Variants in CDH20 observed in about 807,000 individuals in gnomAD.
CDH20 encodes cadherin 20.
CDH20 carries 29 observed loss-of-function variants against 74.2 expected under a neutral mutation model. The ratio of observed to expected loss-of-function variants is 0.39; its 90% CI spans 0.29 to 0.53. CDH20 has a LOEUF of 0.53. Among genes scored for constraint, CDH20 ranks in the 20% least tolerant of loss-of-function variants. The pLI, the probability that CDH20 is intolerant of heterozygous loss-of-function variation, is 0.69. For synonymous variants in CDH20, 469 were observed against 405.4 expected, an observed-to-expected ratio of 1.16 and a Z score of -1.88; for missense variants, 988 against 1,048.3, an observed-to-expected ratio of 0.94 and a Z score of 0.79.
intron 1 of CDH20, among the ~76,000 whole-genome samples, chr18:61,385,189 T>A (rs1228674178): frequency 2.0e-5 from 3 of 152,206 alleles, no homozygotes; most frequent in African/African-American, 7.2e-5. Flanking sequence ...AAACTATATT[T>A]ACCTTAAGCT....
chr18:61,441,736 AT>A (rs1431711313), intron 1 of CDH20, among the ~76,000 whole-genome samples: 1 of 152,168 alleles, frequency 6.6e-6, no homozygotes, highest in East Asian at 1.9e-4. Context: ...CCTACAGAAT[AT>A]TTTCTATTTA....
At chr18:61,362,710 A>G (rs1353263341) in intron 1 of CDH20, among the ~76,000 whole-genome samples, 1 of 152,082 alleles carries the variant, frequency 6.6e-6, no homozygotes, top group African/African-American at 2.4e-5. Context: ...CTATGACTAC[A>G]TAGACTTACT....
chr18:61,494,581 C>T (rs1911067161), intron 2 of CDH20, among the ~76,000 whole-genome samples: 2 of 152,096 alleles, frequency 1.3e-5, no homozygotes, highest in African/African-American at 4.8e-5. Context: ...ATTCTCTTTA[C>T]CCAGGGGCAT....
At chr18:61,551,052 G>C (rs1291848819) in intron 11 of CDH20, among the ~76,000 whole-genome samples, 1 of 152,164 alleles carries the variant, frequency 6.6e-6, no homozygotes, top group African/African-American at 2.4e-5. Flanking sequence ...GCTAGCAGTG[G>C]CAGAACACTA....
intron 1 of CDH20, among the ~76,000 whole-genome samples, chr18:61,457,002 G>A (rs1322532899): frequency 6.6e-6 from 1 of 152,156 alleles, no homozygotes; most frequent in Admixed American, 6.5e-5. Flanking sequence ...AGTTAGAATT[G>A]CATATGAATT....
At chr18:61,395,849 A>G (rs1911948205) in intron 1 of CDH20, among the ~76,000 whole-genome samples, 1 of 152,190 alleles carries the variant, frequency 6.6e-6, no homozygotes. Flanking sequence ...CCTGGCCAAC[A>G]TGGTGAAACC....
chr18:61,518,144 C>T (rs968168158), intron 6 of CDH20, among the ~76,000 whole-genome samples: 1 of 152,156 alleles, frequency 6.6e-6, no homozygotes, highest in Non-Finnish European at 1.5e-5. Flanking sequence ...ATAAAACTCC[C>T]ATCTCCCTGG....
chr18:61,540,829 A>G (rs925601563), intron 9 of CDH20, among the ~76,000 whole-genome samples: 4 of 152,212 alleles, frequency 2.6e-5, no homozygotes, highest in Admixed American at 1.3e-4. Context: ...ACTCGACGAC[A>G]CATCTTTACC....
intron 1 of CDH20, among the ~76,000 whole-genome samples, chr18:61,452,164 G>A (rs1417771380): frequency 6.6e-6 from 1 of 151,990 alleles, no homozygotes; most frequent in Non-Finnish European, 1.5e-5. Flanking sequence ...TTCTTATATT[G>A]TTAAACTCTT....
At chr18:61,417,578 TAAAAAAAAAAAA>T (rs545256689) in intron 1 of CDH20, among the ~76,000 whole-genome samples, 2 of 62,344 alleles carry the variant, frequency 3.2e-5, no homozygotes, top group East Asian at 5.6e-4. Context: ...ATGTGGGAGC[TAAAAAAAAAAAA>T]AAAAAAAAAA....
intron 1 of CDH20, among the ~76,000 whole-genome samples, chr18:61,448,639 T>C (rs1050669383): frequency 6.6e-6 from 1 of 152,192 alleles, no homozygotes; most frequent in Non-Finnish European, 1.5e-5. Flanking sequence ...ATTGGCCTTA[T>C]TTGAACAAAA....
At chr18:61,494,312 C>T (rs1248233717) in intron 2 of CDH20, among the ~76,000 whole-genome samples, 1 of 152,146 alleles carries the variant, frequency 6.6e-6, no homozygotes, top group African/African-American at 2.4e-5. Flanking sequence ...GCTTCCTGAA[C>T]CCTTGATCTC....
intron 1 of CDH20, among the ~76,000 whole-genome samples, chr18:61,366,692 A>G (rs2144146101): frequency 6.6e-6 from 1 of 152,242 alleles, no homozygotes; most frequent in Non-Finnish European, 1.5e-5. Context: ...GAAAAATTTG[A>G]ATGCTACTTG....
At chr18:61,425,069 C>G (rs1913026056) in intron 1 of CDH20, among the ~76,000 whole-genome samples, 1 of 151,580 alleles carries the variant, frequency 6.6e-6, no homozygotes, top group African/African-American at 2.4e-5. Flanking sequence ...CTCTCTCTCT[C>G]TCTCTCTCAC....
chr18:61,446,234 A>G (rs1909200416), intron 1 of CDH20, among the ~76,000 whole-genome samples: 1 of 152,216 alleles, frequency 6.6e-6, no homozygotes, highest in Non-Finnish European at 1.5e-5. Flanking sequence ...ACATACACAC[A>G]GTTTCACACT....
intron 5 of CDH20, among the ~76,000 whole-genome samples, chr18:61,504,690 C>T (rs1020233524): frequency 3.3e-5 from 5 of 151,902 alleles, no homozygotes; most frequent in South Asian, 2.1e-4. Flanking sequence ...GCTAGGGAAA[C>T]GGGGCTTAAA....
chr18:61,445,451 A>T (rs1448090226), intron 1 of CDH20, among the ~76,000 whole-genome samples: 1 of 152,184 alleles, frequency 6.6e-6, no homozygotes, highest in Non-Finnish European at 1.5e-5. Context: ...AATAGCCACA[A>T]TTTTTTAAAC....
At position 61,356,432 on chromosome 18, in the gene CDH20, C is replaced by A. The variant is rs559947257; in HGVS notation, c.-153+22605C>A. Among the ~76,000 whole-genome samples, 27 of 152,214 alleles carry A rather than the reference C, an allele frequency of 1.8e-4. 2 individuals carry two copies. Among genetic ancestry groups the A allele is most frequent in the African/African-American group, 6.5e-4 (27 of 41,554 alleles). On this transcript the variant is annotated intron_variant, in intron 1 of 11. Transcript: ENST00000262717. ...ACTTATAAGTGAAATATTATTTCAA[C>A]AAAATCTTACACCTTTAATAATACT...
chr18:61,408,501 C>T (rs1315477301), intron 1 of CDH20, among the ~76,000 whole-genome samples: 3 of 152,084 alleles, frequency 2.0e-5, no homozygotes. Flanking sequence ...AAGCAGTGAG[C>T]GTTGATCAAT....
Sources: gnomAD v4.1 joint callset for allele counts (sites outside exome capture counted in the v4.1 genomes callset) on GRCh38, gnomAD v4.1.1 for gene constraint, MANE v1.5 for transcripts, NCBI Gene and HGNC (gene_info 2026-07-23, HGNC 2026-07-21) for gene names.